Variants in MYH9 observed in about 807,000 individuals in gnomAD.
MYH9 encodes myosin heavy chain 9.
In MYH9, 29 loss-of-function variants were observed where a neutral mutation model predicts 241.9. The observed-to-expected ratio is 0.12, with a 90% CI of 0.09 to 0.16. The LOEUF is 0.16. Ranked by LOEUF, MYH9 falls within the 10% of genes least tolerant of loss-of-function variation. MYH9 has a pLI of 1.00. For synonymous variants in MYH9, 1,047 were observed against 1,062.6 expected, an observed-to-expected ratio of 0.99 and a Z score of 0.29; for missense variants, 1,803 against 2,595.5, an observed-to-expected ratio of 0.69 and a Z score of 6.63.
At position 36,282,725 on chromosome 22, in the gene MYH9, G is replaced by A. The variant is rs2016512337; in HGVS notation, c.5826C>T (p.Gly1942=). The A allele has an allele frequency of 1.2e-6, 2 of 1,613,918 alleles. No homozygotes were observed. Among genetic ancestry groups the A allele is most frequent in the Non-Finnish European group, 1.7e-6 (2 of 1,180,036 alleles). The part of the protein sequence containing the change: ...RRMARKGAGD[G]SDEEVDGKAD... ...CTTTGCCATCTACCTCTTCGTCGGA[G>A]CCATCCCCGGCGCCTTTCCGGGCCA... is the stretch of plus-strand genomic sequence containing the variant. Residue 1942 remains glycine, a synonymous_variant, in exon 41 of 41, where the codon GGC becomes GGT. Coordinates refer to ENST00000216181, the MANE Select transcript of MYH9 (RefSeq NM_002473.6).
At chr22:36,284,029 G>A (rs200817977) in intron 40 of MYH9, 64 bp downstream of exon 40, 21 of 1,591,078 alleles carry the variant, frequency 1.3e-5, no homozygotes, top group Non-Finnish European at 1.8e-5. Context: ...GGCTCTGGTT[G>A]AGGAACAAGC....
chr22:36,308,978 G>A (rs990734409), intron 15 of MYH9: 7 of 572,258 alleles, frequency 1.2e-5, no homozygotes, highest in African/African-American at 2.0e-5. Flanking sequence ...GAGTAGAGGC[G>A]GGAATGCAAC....
chr22:36,361,461 C>T (rs138135693), intron 1 of MYH9, among the ~76,000 whole-genome samples: 3 of 152,136 alleles, frequency 2.0e-5, no homozygotes, highest in East Asian at 3.9e-4. Flanking sequence ...TGCCTGGCAC[C>T]GAAGGAAACT....
intron 1 of MYH9, among the ~76,000 whole-genome samples, chr22:36,377,977 TATG>T (rs2018197833): frequency 6.6e-6 from 1 of 151,540 alleles, no homozygotes; most frequent in African/African-American, 2.4e-5. Context: ...TTATTGTTAC[TATG>T]AAGAAAAGGA....
At chr22:36,348,697 C>A (rs535399494) in intron 2 of MYH9, among the ~76,000 whole-genome samples, 2 of 151,968 alleles carry the variant, frequency 1.3e-5, no homozygotes, top group Admixed American at 6.6e-5. Context: ...CTTTTGGCTG[C>A]AAAGGGAAAA....
At chr22:36,323,306 C>A (rs1376646304) in intron 5 of MYH9, among the ~76,000 whole-genome samples, 1 of 152,216 alleles carries the variant, frequency 6.6e-6, no homozygotes, top group Non-Finnish European at 1.5e-5. Context: ...ATCCGCAGAG[C>A]GGGGTGGCGG....
intron 6 of MYH9, 161 bp from the exon 7 acceptor site, chr22:36,321,982 C>A: frequency 1.4e-6 from 1 of 708,058 alleles, no homozygotes; most frequent in South Asian, 1.5e-5. Flanking sequence ...GCCCCCTACG[C>A]CCACACCACA....
At chr22:36,343,285 C>T (rs1343971541) in intron 2 of MYH9, among the ~76,000 whole-genome samples, 2 of 152,146 alleles carry the variant, frequency 1.3e-5, no homozygotes, top group Admixed American at 6.5e-5. Flanking sequence ...ACTGGAATTC[C>T]AGCACTTGGG....
Position 36,281,507 on chromosome 22 carries a change from TAA to T in MYH9, c.*1159_*1160del, listed in dbSNP as rs56058205. 5.5e-4 allele frequency: 115 copies of T among 207,216 alleles called. No homozygotes were observed. The highest frequency in any genetic ancestry group is 6.6e-4 in the Non-Finnish European group (68 of 103,052). 12.8% of individuals were successfully genotyped at this position (207,216 alleles called of 1,614,324 possible). A position where few individuals can be genotyped will look rare whatever the true frequency, so the allele number is the denominator to read the frequency against. ...TCATGATTTGAGAGTTTGTTTCCTT[TAA>T]AAAAAAAAAATGCCTTCTTGCCGTA... On this transcript the variant is annotated 3_prime_UTR_variant, in exon 41 of 41. Transcript: ENST00000216181.
chr22:36,310,965 C>A (rs1431833457), intron 14 of MYH9, among the ~76,000 whole-genome samples: 3 of 152,094 alleles, frequency 2.0e-5, no homozygotes, highest in Admixed American at 2.0e-4. Context: ...CAGTTGCTTC[C>A]GCAGCCCCAG....
intron 1 of MYH9, among the ~76,000 whole-genome samples, chr22:36,375,963 T>TC (rs1440344619): frequency 1.8e-4 from 26 of 143,506 alleles, no homozygotes; most frequent in Non-Finnish European, 2.3e-4. Context: ...TTCTTTTTTT[T>TC]TTTTTTTTTT....
At chr22:36,362,821 G>A (rs912137559) in intron 1 of MYH9, among the ~76,000 whole-genome samples, 1 of 152,106 alleles carries the variant, frequency 6.6e-6, no homozygotes, top group African/African-American at 2.4e-5. Flanking sequence ...ATGAGCCAGG[G>A]CAGAAAGCAG....
chr22:36,364,557 T>C (rs1332508273), intron 1 of MYH9, among the ~76,000 whole-genome samples: 4 of 152,198 alleles, frequency 2.6e-5, no homozygotes, highest in African/African-American at 4.8e-5. Flanking sequence ...CAATGGGCCA[T>C]AGCTTCTCTG....
chr22:36,322,252 G>A (rs1273487551), intron 6 of MYH9, among the ~76,000 whole-genome samples, 177 bp downstream of exon 6: 1 of 152,256 alleles, frequency 6.6e-6, no homozygotes, highest in Non-Finnish European at 1.5e-5. Flanking sequence ...AAGAGGGGCA[G>A]GGCAGGTCCA....
At chr22:36,324,950 G>A (rs991746197) in intron 5 of MYH9, 8 of 666,308 alleles carry the variant, frequency 1.2e-5, no homozygotes, top group African/African-American at 5.4e-5. Context: ...ACTGCTCTCC[G>A]TGTCCTGTCT....
intron 31 of MYH9, 111 bp from the exon 32 acceptor site, chr22:36,289,408 G>A (rs2016649408): frequency 4.0e-6 from 4 of 1,009,474 alleles, no homozygotes; most frequent in Non-Finnish European, 5.9e-6. Flanking sequence ...CGGTGGAGAG[G>A]AGCAGGCCTA....
At chr22:36,294,910 C>T (rs374850576) in intron 27 of MYH9, 22 bp downstream of exon 27, 35 of 1,609,634 alleles carry the variant, frequency 2.2e-5, no homozygotes, top group Non-Finnish European at 2.6e-5. Context: ...CCTCCCCCTG[C>T]GGTCTCAGGG....
In MYH9 at chr22:36,293,863, C is replaced by A. The variant is rs141582478; in HGVS notation, c.3838G>T (p.Val1280Leu). 6.2e-7 allele frequency: 1 copy of A among 1,612,580 alleles called. No individual in the cohort carries two copies. Among genetic ancestry groups the A allele is most frequent in the Non-Finnish European group, 8.5e-7 (1 of 1,179,560 alleles). The change falls in exon 29 of 41, where the codon GTG becomes TTG. Residue 1280 changes from valine to leucine, a missense_variant and splice_region_variant. This residue lies in a region of MYH9 where 876 missense variants were observed against 1,077.8 expected (regional missense o/e 0.81). Coordinates refer to ENST00000216181, the MANE Select transcript of MYH9 (RefSeq NM_002473.6). This position sits in a 1 kb window ranked among gnomAD's most constrained non-coding sequence, Gnocchi z 5.1. ...ELADKVTKLQ[V>L]ELDNVTGLLS... is the part of the protein sequence containing the mutation. Reference sequence around the variant, plus strand: ...AGCCCGGTCACGTTGTCCAGCTCCACCTGCACCGGGCGGGGAGACACAAAG... The same window carrying A: ...AGCCCGGTCACGTTGTCCAGCTCCAACTGCACCGGGCGGGGAGACACAAAG...
chr22:36,351,410 G>A (rs1295508632), intron 1 of MYH9, among the ~76,000 whole-genome samples: 1 of 152,202 alleles, frequency 6.6e-6, no homozygotes, highest in East Asian at 1.9e-4. Flanking sequence ...AACGGTGGCT[G>A]TGAACTGCCT....
Sources: allele counts gnomAD v4.1 joint callset (sites outside exome capture counted in the v4.1 genomes callset), GRCh38; gene constraint gnomAD v4.1.1; regional missense constraint gnomAD v4.1.1; non-coding constraint Gnocchi (gnomAD v3.1); transcripts MANE v1.5; gene names NCBI Gene and HGNC (gene_info 2026-07-23, HGNC 2026-07-21).